The following KLF12 variants were observed in gnomAD, a reference collection of about 807,000 sequenced individuals.
KLF12 encodes KLF transcription factor 12.
Under a neutral mutation model 37.8 loss-of-function variants are expected in KLF12, and 9 were observed. The observed-to-expected ratio is 0.24, with a 90% CI of 0.14 to 0.42. The LOEUF (loss-of-function observed/expected upper bound fraction) is 0.42, where lower values mean the gene tolerates loss of function less well. KLF12 is among the 10% of genes least tolerant of loss of function. The probability of loss-of-function intolerance (pLI) is 1.00; values close to 1 mark genes in which losing one functional copy is unlikely to be tolerated. For synonymous variants in KLF12, 208 were observed against 202.1 expected, an observed-to-expected ratio of 1.03 and a Z score of -0.25; for missense variants, 411 against 516.0, an observed-to-expected ratio of 0.80 and a Z score of 1.97.
chr13:73,910,821 A>G (rs917818219), intron 3 of KLF12, among the ~76,000 whole-genome samples: 36 of 152,338 alleles, frequency 2.4e-4, no homozygotes, highest in African/African-American at 8.4e-4. Context: ...TAATCCATTC[A>G]TAGATTAATT....
chr13:74,025,237 A>G (rs917594454), intron 1 of KLF12, among the ~76,000 whole-genome samples: 2 of 152,128 alleles, frequency 1.3e-5, no homozygotes, highest in African/African-American at 4.8e-5. Context: ...AAGGAAATAA[A>G]TCCTTCAATT....
intron 1 of KLF12, among the ~76,000 whole-genome samples, chr13:74,120,597 G>A (rs1008567206): frequency 6.6e-6 from 1 of 151,842 alleles, no homozygotes. Flanking sequence ...CCTGGAACTA[G>A]CAAAAATATG....
chr13:73,743,778 AT>A (rs1476744636), intron 6 of KLF12, among the ~76,000 whole-genome samples: 1 of 152,184 alleles, frequency 6.6e-6, no homozygotes, highest in Admixed American at 6.5e-5. Flanking sequence ...TAATCACCTT[AT>A]TTTTAAAAGT....
intron 3 of KLF12, among the ~76,000 whole-genome samples, chr13:73,876,122 A>G (rs961726003): frequency 2.0e-5 from 3 of 151,510 alleles, no homozygotes; most frequent in African/African-American, 7.3e-5. Context: ...AATCCAGCAC[A>G]TTTTAGCTGG....
intron 3 of KLF12, among the ~76,000 whole-genome samples, chr13:73,929,068 C>T (rs1304681003): frequency 6.6e-6 from 1 of 152,134 alleles, no homozygotes; most frequent in Admixed American, 6.5e-5. Flanking sequence ...TGTTTGAAAT[C>T]AAACTGAGAA....
intron 3 of KLF12, among the ~76,000 whole-genome samples, chr13:73,892,219 A>G (rs1410326783): frequency 6.6e-6 from 1 of 152,146 alleles, no homozygotes; most frequent in Non-Finnish European, 1.5e-5. Flanking sequence ...TATAATCTGA[A>G]TGGTACTCTG....
At chr13:73,732,848 C>T (rs1877172968) in intron 6 of KLF12, among the ~76,000 whole-genome samples, 1 of 152,120 alleles carries the variant, frequency 6.6e-6, no homozygotes, top group African/African-American at 2.4e-5. Flanking sequence ...ATGCCCAAAG[C>T]TGAACTAGTG....
intron 1 of KLF12, among the ~76,000 whole-genome samples, chr13:74,017,048 T>C (rs1404677569): frequency 6.6e-6 from 1 of 152,084 alleles, no homozygotes; most frequent in Non-Finnish European, 1.5e-5. Flanking sequence ...GACAGTCGTC[T>C]ATGGTGATAG....
the KLF12 span, among the ~76,000 whole-genome samples, chr13:74,255,727 ACT>A: frequency 5.3e-5 from 8 of 152,292 alleles, no homozygotes; most frequent in East Asian, 1.5e-3. Context: ...AGGAGAACTA[ACT>A]CTATCTACTG....
intron 5 of KLF12, among the ~76,000 whole-genome samples, chr13:73,789,578 T>A (rs962123314): frequency 1.3e-5 from 2 of 152,112 alleles, no homozygotes; most frequent in Non-Finnish European, 2.9e-5. Context: ...ACGCAGGGAC[T>A]AATATCTTCT....
chr13:74,160,121 A>C, the KLF12 span, among the ~76,000 whole-genome samples: 37 of 152,214 alleles, frequency 2.4e-4, no homozygotes, highest in East Asian at 6.4e-3. Context: ...GCTTATGAAT[A>C]CTTTGCAGTT....
chr13:73,742,676 C>T (rs113734414), intron 6 of KLF12, among the ~76,000 whole-genome samples: 2,817 of 152,056 alleles, frequency 0.019, 71 homozygotes, highest in African/African-American at 0.061. Context: ...CATTATCATC[C>T]CCATTTTACA....
chr13:74,296,550 T>C, the KLF12 span, among the ~76,000 whole-genome samples: 1 of 152,174 alleles, frequency 6.6e-6, no homozygotes, highest in Admixed American at 6.5e-5. Context: ...AACTGTAAAA[T>C]TCTAAAATCT....
chr13:74,279,863 C>T, the KLF12 span, among the ~76,000 whole-genome samples: 1 of 152,110 alleles, frequency 6.6e-6, no homozygotes, highest in South Asian at 2.1e-4. Flanking sequence ...GACTTATTCT[C>T]ATGGTTAAAG....
intron 6 of KLF12, among the ~76,000 whole-genome samples, chr13:73,728,254 A>C (rs1876813775): frequency 6.6e-6 from 1 of 152,142 alleles, no homozygotes; most frequent in East Asian, 1.9e-4. Flanking sequence ...ATTAATTTTT[A>C]GATTGTCCAC....
intron 1 of KLF12, among the ~76,000 whole-genome samples, chr13:74,119,012 C>T (rs1383324057): frequency 3.3e-5 from 5 of 152,136 alleles, no homozygotes; most frequent in Admixed American, 3.3e-4. Context: ...CTACTGTTCT[C>T]TTATATATAA....
At chr13:73,959,522 T>A (rs1352335487) in intron 2 of KLF12, among the ~76,000 whole-genome samples, 1 of 150,728 alleles carries the variant, frequency 6.6e-6, no homozygotes, top group Non-Finnish European at 1.5e-5. Context: ...ATTATTTATA[T>A]TAGATATATT....
At chr13:73,997,698 A>T (rs1892161234) in intron 1 of KLF12, among the ~76,000 whole-genome samples, 1 of 151,226 alleles carries the variant, frequency 6.6e-6, no homozygotes, top group South Asian at 2.1e-4. Context: ...AAATCTTCCC[A>T]AAGCACAGAA....
chr13:73,926,183 T>G (rs1889367679), intron 3 of KLF12, among the ~76,000 whole-genome samples: 1 of 152,198 alleles, frequency 6.6e-6, no homozygotes, highest in Non-Finnish European at 1.5e-5. Flanking sequence ...TAGCATTGCA[T>G]GCTACAGAGA....
Sources: allele counts gnomAD v4.1 joint callset (sites outside exome capture counted in the v4.1 genomes callset), GRCh38; gene constraint gnomAD v4.1.1; transcripts MANE v1.5; gene names NCBI Gene and HGNC (gene_info 2026-07-23, HGNC 2026-07-21).